The following KHDC1L variants were observed in gnomAD, a reference collection of about 807,000 sequenced individuals.
The protein encoded by KHDC1L is KH domain containing 1 like.
KHDC1L carries 5 observed loss-of-function variants against 11.2 expected under a neutral mutation model. That is an observed-to-expected ratio of 0.45 (90% confidence interval 0.23 to 0.94). The LOEUF (loss-of-function observed/expected upper bound fraction) is 0.94, where lower values mean the gene tolerates loss of function less well. Among genes scored for constraint, KHDC1L ranks in the 40% least tolerant of loss-of-function variants. The pLI, the probability that KHDC1L is intolerant of heterozygous loss-of-function variation, is 0.22. For synonymous variants in KHDC1L, 66 were observed against 62.7 expected, an observed-to-expected ratio of 1.05 and a Z score of -0.25; for missense variants, 168 against 165.8, an observed-to-expected ratio of 1.01 and a Z score of -0.07.
Position 73,223,764 on chromosome 6 carries a change from G to A in KHDC1L, c.371C>T (p.Pro124Leu), listed in dbSNP as rs374958371. The stretch of plus-strand genomic sequence containing the variant: ...CAGGGGAGATCAGTCTCCGGTGTAC[G>A]GTGGCAGGCTAACGGAGGTGACCAG... ...DDLVTSVSLP[P>L]YTGD Residue 124 changes from proline to leucine, a missense_variant, in exon 3 of 3, where the codon CCG (proline) becomes CTG (leucine). Physicochemically the swap from Pro to Leu is moderately conservative, Grantham distance 98. Coordinates refer to ENST00000370388, the MANE Select transcript of KHDC1L (RefSeq NM_001126063.3). 16 of 1,606,942 alleles carry A rather than the reference G, an allele frequency of 1.0e-5. No homozygotes were observed. Among genetic ancestry groups the A allele is most frequent in the East Asian group, 6.7e-5 (3 of 44,730 alleles).
Position 73,225,476 on chromosome 6 carries a change from G to T in KHDC1L, c.-68C>A, listed in dbSNP as rs543143405. The T allele has an allele frequency of 1.8e-6, 2 of 1,138,820 alleles. No homozygotes were observed. The highest frequency in any genetic ancestry group is 1.5e-5 in the African/African-American group (1 of 65,716). 70.5% of individuals were successfully genotyped at this position (1,138,820 alleles called of 1,614,324 possible). A position where few individuals can be genotyped will look rare whatever the true frequency, so the allele number is the denominator to read the frequency against. The stretch of plus-strand genomic sequence containing the variant: ...ACTGGTTGGCAAAAGACTTGGAAAA[G>T]CGAGGAAGGGCCTAGGCTCTGTCCT... On this transcript the variant is annotated 5_prime_UTR_variant, in exon 1 of 3. Transcript: ENST00000370388.
intron 1 of KHDC1L, among the ~76,000 whole-genome samples, chr6:73,224,639 G>C (rs1017466518): frequency 3.9e-5 from 6 of 151,988 alleles, no homozygotes; most frequent in Admixed American, 1.3e-4. Context: ...AGCCGGGCGT[G>C]GTGGCAGGCG....
chr6:73,224,652 T>A (rs1216620436), intron 1 of KHDC1L, among the ~76,000 whole-genome samples: 1 of 150,232 alleles, frequency 6.7e-6, no homozygotes. Flanking sequence ...GGCAGGCGCC[T>A]GTAGTCCCAG....
rs890718528 is a variant in KHDC1L at position 73,223,900 on chromosome 6, C to T, written c.296-61G>A. On this transcript the variant is annotated intron_variant, in intron 2 of 2. Coordinates refer to ENST00000370388, the MANE Select transcript of KHDC1L (RefSeq NM_001126063.3). ...TCCCATTACTGGGGCCCTTAGTAGG[C>T]CCAGACTCCACCAGGAAGGTTCCAG... 1.0e-5 allele frequency: 14 copies of T among 1,360,994 alleles called. No homozygotes were observed. In the East Asian group the frequency reaches 3.5e-4, roughly 34 times the overall value. 84.3% of individuals were successfully genotyped at this position (1,360,994 alleles called of 1,614,324 possible).
At chr6:73,225,164 G>T in intron 1 of KHDC1L, 133 bp downstream of exon 1, 3 of 709,200 alleles carry the variant, frequency 4.2e-6, no homozygotes, top group South Asian at 2.3e-5. Flanking sequence ...GTACTCTGCA[G>T]GCTGAAGCAG....
rs573967311 is a variant in KHDC1L, at chr6:73,223,777, C to T, written c.358G>A (p.Val120Ile). Residue 120 changes from valine (V) to isoleucine (I), a missense_variant, in exon 3 of 3, where the codon GTT (valine) becomes ATT (isoleucine). Coordinates refer to ENST00000370388, the MANE Select transcript of KHDC1L (RefSeq NM_001126063.3). ...TCTCCGGTGTACGGTGGCAGGCTAACGGAGGTGACCAGGTCATCATTGGTC... is the reference window on the plus strand; with the variant it reads ...TCTCCGGTGTACGGTGGCAGGCTAATGGAGGTGACCAGGTCATCATTGGTC... ...PLTNDDLVTS[V>I]SLPPYTGD 43 of 1,607,554 alleles carry T rather than the reference C, an allele frequency of 2.7e-5. 1 individual carries two copies. The highest frequency in any genetic ancestry group is 2.2e-4 in the South Asian group (20 of 89,184).
intron 1 of KHDC1L, 95 bp downstream of exon 1, chr6:73,225,202 C>A: frequency 8.8e-7 from 1 of 1,132,268 alleles, no homozygotes; most frequent in Non-Finnish European, 1.2e-6. Flanking sequence ...AAAAGGCAGA[C>A]GTTGCAGTGA....
Position 73,223,705 on chromosome 6 carries a change from C to G in KHDC1L, c.*43G>C. 6.6e-7 allele frequency: 1 copy of G among 1,510,764 alleles called. No homozygotes were observed. The highest frequency in any genetic ancestry group is 9.1e-7 in the Non-Finnish European group (1 of 1,104,674). 93.6% of individuals were successfully genotyped at this position (1,510,764 alleles called of 1,614,324 possible). A position where few individuals can be genotyped will look rare whatever the true frequency, so the allele number is the denominator to read the frequency against. Reference sequence around the variant, plus strand: ...TTTTTCATGTCTTTCTCACCAAAAGCGAAGCCAAGACTTCTCCTCTCATCC... The same window carrying G: ...TTTTTCATGTCTTTCTCACCAAAAGGGAAGCCAAGACTTCTCCTCTCATCC... On this transcript the variant is annotated 3_prime_UTR_variant, in exon 3 of 3. Transcript: ENST00000370388.
Position 73,224,200 on chromosome 6 carries a change from G to T in KHDC1L, c.261C>A (p.Cys87Ter). 6.4e-7 allele frequency: 1 copy of T among 1,572,874 alleles called. No homozygotes were observed. The highest frequency in any genetic ancestry group is 8.6e-7 in the Non-Finnish European group (1 of 1,158,648). Reference sequence around the variant, plus strand: ...GACACTTGGAGTCCTGGCTCCCCACGCAATGGAACATGAGCAGCAGCCACT... The same window carrying T: ...GACACTTGGAGTCCTGGCTCCCCACTCAATGGAACATGAGCAGCAGCCACT... ...AKQWLLLMFH[C>*]VGSQDSKCHA... The change falls in exon 2 of 3, where the codon TGC becomes TGA. Residue 87 changes from cysteine (C) to a stop codon, truncating the protein, a stop_gained. Coordinates refer to ENST00000370388, the MANE Select transcript of KHDC1L (RefSeq NM_001126063.3). LOFTEE classifies it low-confidence loss of function (END_TRUNC).
At chr6:73,224,405 G>A in intron 1 of KHDC1L, 57 bp from the exon 2 acceptor site, 1 of 1,446,856 alleles carries the variant, frequency 6.9e-7, no homozygotes, top group Non-Finnish European at 9.3e-7. Context: ...TGGGGAGTGA[G>A]GAGGTGGCCT....
chr6:73,223,797 T>C lies in KHDC1L; in HGVS notation c.338A>G (p.Asn113Ser), dbSNP rs1167515639. The C allele has an allele frequency of 1.2e-6, 2 of 1,607,760 alleles. No homozygotes were observed. The highest frequency in any genetic ancestry group is 1.7e-5 in the Admixed American group (1 of 59,090). Residue 113 changes from asparagine to serine, a missense_variant, in exon 3 of 3, where the codon AAT (asparagine) becomes AGT (serine). Asn to Ser is a conservative substitution (Grantham distance 46). Transcript: ENST00000370388. ...GCTAACGGAGGTGACCAGGTCATCATTGGTCAGGGGCTGGCTTCGGACACG... is the reference window on the plus strand; with the variant it reads ...GCTAACGGAGGTGACCAGGTCATCACTGGTCAGGGGCTGGCTTCGGACACG... ...LERVRSQPLT[N>S]DDLVTSVSLP... is the part of the protein sequence containing the mutation.
In KHDC1L at chr6:73,223,743, G is replaced by T; in HGVS notation, c.*5C>A. 1.3e-6 allele frequency: 2 copies of T among 1,599,816 alleles called. No homozygotes were observed. Among genetic ancestry groups the T allele is most frequent in the East Asian group, 2.2e-5 (1 of 44,538 alleles). ...TCTCCTCTCATCCCCTCTTCCCAGG[G>T]GAGATCAGTCTCCGGTGTACGGTGG... On this transcript the variant is annotated 3_prime_UTR_variant, in exon 3 of 3. Coordinates refer to ENST00000370388, the MANE Select transcript of KHDC1L (RefSeq NM_001126063.3).
chr6:73,225,268 A>C (rs771341439), intron 1 of KHDC1L, 29 bp downstream of exon 1: 17 of 1,591,570 alleles, frequency 1.1e-5, no homozygotes, highest in Non-Finnish European at 1.5e-5. Context: ...AAACAGATGA[A>C]GGAGGGGACG....
At chr6:73,224,493 G>T in intron 1 of KHDC1L, 145 bp from the exon 2 acceptor site, 2 of 693,156 alleles carry the variant, frequency 2.9e-6, no homozygotes, top group East Asian at 2.8e-5. Context: ...GAAGGAGGCC[G>T]GCCTAGCGCA....
intron 1 of KHDC1L, 73 bp from the exon 2 acceptor site, chr6:73,224,421 G>A (rs1562239417): frequency 7.7e-7 from 1 of 1,296,822 alleles, no homozygotes; most frequent in Non-Finnish European, 1.0e-6. Context: ...GGCCTTGAGG[G>A]TAGGGATGTG....
chr6:73,223,750 AGTCTCCGGTGTACG>A lies in KHDC1L; in HGVS notation c.371_384del (p.Pro124LeufsTer9), dbSNP rs1766306325. On this transcript the variant is annotated frameshift_variant, in exon 3 of 3. Transcript: ENST00000370388. LOFTEE classifies it high-confidence loss of function. ...TCATCCCCTCTTCCCAGGGGAGATC[AGTCTCCGGTGTACG>A]GTGGCAGGCTAACGGAGGTGACCAG... 1 of 1,603,290 alleles carries A rather than the reference AGTCTCCGGTGTACG, an allele frequency of 6.2e-7. No homozygotes were observed. Among genetic ancestry groups the A allele is most frequent in the Admixed American group, 1.7e-5 (1 of 58,470 alleles).
intron 1 of KHDC1L, among the ~76,000 whole-genome samples, chr6:73,224,812 T>G (rs1188947554): frequency 4.9e-5 from 7 of 143,856 alleles, no homozygotes; most frequent in African/African-American, 1.6e-4. Context: ...CCGGGCGCAG[T>G]GGCTCACACT....
intron 1 of KHDC1L, 83 bp downstream of exon 1, chr6:73,225,214 C>T (rs549734658): frequency 3.8e-6 from 5 of 1,300,604 alleles, no homozygotes; most frequent in South Asian, 1.5e-5. Context: ...TTGCAGTGAG[C>T]CAAGATCACG....
rs1562239258 is a variant in KHDC1L, at chr6:73,224,178, A to C, written c.283T>G (p.Cys95Gly). Residue 95 changes from cysteine to glycine, a missense_variant, in exon 2 of 3, where the codon TGT (cysteine) becomes GGT (glycine). Transcript: ENST00000370388. ...FHCVGSQDSK[C>G]HARGLKMLER... ...CAAGGATACCTACCTCGAGCGTGAC[A>C]CTTGGAGTCCTGGCTCCCCACGCAA... The C allele has an allele frequency of 9.6e-6, 15 of 1,566,130 alleles. No individual in the cohort carries two copies. Among genetic ancestry groups the C allele is most frequent in the Non-Finnish European group, 1.3e-5 (15 of 1,155,134 alleles).
Sources: allele counts gnomAD v4.1 joint callset (sites outside exome capture counted in the v4.1 genomes callset), GRCh38; gene constraint gnomAD v4.1.1; transcripts MANE v1.5; gene names NCBI Gene and HGNC (gene_info 2026-07-23, HGNC 2026-07-21).